SPTSSB: variants seen among roughly 807,000 people sequenced by gnomAD.
SPTSSB encodes the protein androgen down regulated in mouse prostate.
A neutral mutation model predicts 7.7 loss-of-function variants in SPTSSB; 6 were observed. The ratio of observed to expected loss-of-function variants is 0.78; its 90% confidence interval spans 0.43 to 1.54. SPTSSB has a LOEUF of 1.54. Ranked by LOEUF, SPTSSB falls within the 40% of genes most tolerant of loss-of-function variation. The probability of loss-of-function intolerance (pLI) is 0.01; values close to 1 mark genes in which losing one functional copy is unlikely to be tolerated. For missense variants in SPTSSB, 91 were observed against 93.0 expected (o/e 0.98, Z 0.09); for synonymous variants, 28 against 29.7 (o/e 0.94, Z 0.19).
intron 2 of SPTSSB, among the ~76,000 whole-genome samples, chr3:161,353,980 T>C (rs1205340054): frequency 6.6e-6 from 1 of 151,962 alleles, no homozygotes; most frequent in African/African-American, 2.4e-5. Flanking sequence ...AGATTTGGAG[T>C]CCAAGTTTTT....
rs891279752 is a variant in SPTSSB, at chr3:161,351,664, T to G, written c.-32-5309A>C. Reference sequence around the variant, plus strand: ...ACAAACATCTCTCAAAAGAATACTTTGCAGAGCATGCTGATATTTTTTATT... The same window carrying G: ...ACAAACATCTCTCAAAAGAATACTTGGCAGAGCATGCTGATATTTTTTATT... On this transcript the variant is annotated intron_variant, in intron 2 of 2. Transcript: ENST00000620149. Among the ~76,000 whole-genome samples the G allele has an allele frequency of 2.0e-5, 3 of 152,200 alleles. No individual in the cohort carries two copies. The East Asian group carries it at 5.8e-4, about 29-fold the overall frequency.
intron 1 of SPTSSB, among the ~76,000 whole-genome samples, chr3:161,363,723 A>AT (rs906879610): frequency 5.9e-5 from 9 of 151,948 alleles, no homozygotes; most frequent in Non-Finnish European, 7.4e-5. Context: ...CTGTATTCTG[A>AT]TTTTTTCAAT....
intron 2 of SPTSSB, among the ~76,000 whole-genome samples, chr3:161,349,727 A>T (rs770349078): frequency 1.1e-4 from 16 of 152,210 alleles, no homozygotes; most frequent in Non-Finnish European, 1.8e-4. Flanking sequence ...AGTGGCCTGG[A>T]TACAGTTTGA....
chr3:161,354,249 CACTA>C (rs1401826599), intron 2 of SPTSSB, among the ~76,000 whole-genome samples: 1 of 152,238 alleles, frequency 6.6e-6, no homozygotes, highest in Non-Finnish European at 1.5e-5. Context: ...GAAAAAGTCT[CACTA>C]ACAGTTCAGT....
chr3:161,369,062 T>G lies in SPTSSB; in HGVS notation c.-126+2373A>C, dbSNP rs145058763. Among the ~76,000 whole-genome samples, 11 of 152,324 alleles carry G rather than the reference T, an allele frequency of 7.2e-5. No homozygotes were observed. In the East Asian group the frequency reaches 1.9e-3, roughly 27 times the overall value. ...TTCTTGAACGGACATAAGTTTTCAA[T>G]TCTCTTGAATATATGCCTAGGAGTG... On this transcript the variant is annotated intron_variant, in intron 1 of 2. Transcript: ENST00000620149.
At chr3:161,347,561 CTTG>C (rs1714308729) in intron 2 of SPTSSB, among the ~76,000 whole-genome samples, 1 of 152,164 alleles carries the variant, frequency 6.6e-6, no homozygotes, top group Admixed American at 6.5e-5. Context: ...TGTACCCGAA[CTTG>C]TTGTGGCTTT....
chr3:161,370,529 A>G (rs1440917395), intron 1 of SPTSSB, among the ~76,000 whole-genome samples: 1 of 152,252 alleles, frequency 6.6e-6, no homozygotes, highest in Non-Finnish European at 1.5e-5. Context: ...ACTTTTATGT[A>G]TACATTTTAG....
Position 161,346,181 on chromosome 3 carries a change from G to C in SPTSSB, c.143C>G (p.Thr48Ser). 1 of 1,612,760 alleles carries C rather than the reference G, an allele frequency of 6.2e-7. No individual in the cohort carries two copies. Residue 48 changes from threonine (T) to serine (S), a missense_variant, in exon 3 of 3, where the codon ACT becomes AGT. Thr to Ser is a moderately conservative substitution (Grantham distance 58). Coordinates refer to ENST00000620149, the MANE Select transcript of SPTSSB (RefSeq NM_001040100.2). ...GTGGATTGGAATAAAGACATAGGCAGTGTATACCACCATAGCAATAATGGT... is the reference window on the plus strand; with the variant it reads ...GTGGATTGGAATAAAGACATAGGCACTGTATACCACCATAGCAATAATGGT... ...LLTIIAMVVY[T>S]AYVFIPIHIR... is the part of the protein sequence containing the mutation.
chr3:161,371,432 T>G lies in SPTSSB; in HGVS notation c.-126+3A>C. On this transcript the variant is annotated splice_donor_region_variant and intron_variant, in intron 1 of 2. Coordinates refer to ENST00000620149, the MANE Select transcript of SPTSSB (RefSeq NM_001040100.2). ...TCAAGTAGGTATTTTGGAAGATGCT[T>G]ACCTCCCAGTTGGGTGTATCTCCCT... 2 of 985,432 alleles carry G rather than the reference T, an allele frequency of 2.0e-6. No individual in the cohort carries two copies. The highest frequency in any genetic ancestry group is 2.4e-6 in the Non-Finnish European group (2 of 829,936). The allele number at this position is 985,432 out of a possible 1,614,324, so 61.0% of individuals were successfully genotyped here.
At chr3:161,364,213 A>G (rs1327304404) in intron 1 of SPTSSB, among the ~76,000 whole-genome samples, 1 of 152,152 alleles carries the variant, frequency 6.6e-6, no homozygotes, top group African/African-American at 2.4e-5. Flanking sequence ...ACCAAAGGAA[A>G]GTTCTGCCTG....
chr3:161,365,217 C>A (rs1203760278), intron 1 of SPTSSB, among the ~76,000 whole-genome samples: 1 of 152,238 alleles, frequency 6.6e-6, no homozygotes, highest in Non-Finnish European at 1.5e-5. Context: ...TACTTGTATA[C>A]CTGACAAATC....
At chr3:161,366,451 T>C (rs1213101320) in intron 1 of SPTSSB, among the ~76,000 whole-genome samples, 3 of 152,132 alleles carry the variant, frequency 2.0e-5, no homozygotes, top group South Asian at 2.1e-4. Flanking sequence ...TTGAAGCTAA[T>C]GGCAAGGGGA....
intron 2 of SPTSSB, among the ~76,000 whole-genome samples, chr3:161,355,497 A>G (rs747243631): frequency 3.9e-5 from 6 of 152,252 alleles, no homozygotes; most frequent in Non-Finnish European, 7.3e-5. Context: ...TGGTGTATAC[A>G]TACAATGGAA....
chr3:161,352,843 T>C (rs767598054), intron 2 of SPTSSB, among the ~76,000 whole-genome samples: 5 of 152,184 alleles, frequency 3.3e-5, no homozygotes, highest in African/African-American at 7.2e-5. Flanking sequence ...TTTTTTACTT[T>C]CTTATAATGT....
chr3:161,352,872 G>A (rs926787854), intron 2 of SPTSSB, among the ~76,000 whole-genome samples: 8 of 152,086 alleles, frequency 5.3e-5, no homozygotes, highest in African/African-American at 1.9e-4. Flanking sequence ...CATGGACTCT[G>A]CAGGGGAATA....
chr3:161,348,642 G>A (rs1714372154), intron 2 of SPTSSB, among the ~76,000 whole-genome samples: 1 of 152,204 alleles, frequency 6.6e-6, no homozygotes, highest in South Asian at 2.1e-4. Flanking sequence ...CTTTAAATCT[G>A]GCTGTTTTAA....
chr3:161,355,642 C>T (rs1385685051), intron 2 of SPTSSB, among the ~76,000 whole-genome samples: 2 of 152,048 alleles, frequency 1.3e-5, no homozygotes, highest in African/African-American at 4.8e-5. Context: ...AGTAGTCAAA[C>T]CCTAGAAACA....
At chr3:161,352,995 A>G (rs1266364625) in intron 2 of SPTSSB, among the ~76,000 whole-genome samples, 2 of 152,110 alleles carry the variant, frequency 1.3e-5, no homozygotes, top group Non-Finnish European at 2.9e-5. Flanking sequence ...TAATGGGAAA[A>G]ATTCCAGGAT....
At chr3:161,360,550 T>C (rs1173526891) in intron 1 of SPTSSB, among the ~76,000 whole-genome samples, 2 of 152,170 alleles carry the variant, frequency 1.3e-5, no homozygotes, top group Non-Finnish European at 2.9e-5. Context: ...GAAAATGTCT[T>C]GTAATTTGTG....
Sources: allele counts gnomAD v4.1 joint callset (sites outside exome capture counted in the v4.1 genomes callset), GRCh38; gene constraint gnomAD v4.1.1; transcripts MANE v1.5; gene names NCBI Gene and HGNC (gene_info 2026-07-23, HGNC 2026-07-21).